The following TCERG1L variants were observed in gnomAD, a reference collection of about 807,000 sequenced individuals.
The protein encoded by TCERG1L is transcription elongation regulator 1 like, also known as transcription elongation regulator 1-like protein.
Under a neutral mutation model 56.3 loss-of-function variants are expected in TCERG1L, and 37 were observed. The ratio of observed to expected loss-of-function variants is 0.66; its 90% CI spans 0.51 to 0.87. The LOEUF (loss-of-function observed/expected upper bound fraction) is 0.87, where lower values mean the gene tolerates loss of function less well. TCERG1L is among the 40% of genes least tolerant of loss of function. TCERG1L has a pLI of 0.00. For missense variants in TCERG1L, 799 were observed against 774.2 expected, an observed-to-expected ratio of 1.03 and a Z score of -0.38; for synonymous variants, 324 against 326.3, an observed-to-expected ratio of 0.99 and a Z score of 0.08.
chr10:131,252,505 C>G (rs1846122726), intron 4 of TCERG1L, among the ~76,000 whole-genome samples: 1 of 152,188 alleles, frequency 6.6e-6, no homozygotes, highest in Non-Finnish European at 1.5e-5. Flanking sequence ...GGCCTGCATG[C>G]TCCTGAACAC....
chr10:131,295,834 C>T (rs997508558), intron 3 of TCERG1L, among the ~76,000 whole-genome samples: 2 of 152,178 alleles, frequency 1.3e-5, no homozygotes, highest in East Asian at 1.9e-4. Context: ...GAACTTATTC[C>T]TGCTCTCTAG....
intron 3 of TCERG1L, among the ~76,000 whole-genome samples, chr10:131,285,123 A>G (rs1290170154): frequency 6.6e-6 from 1 of 152,170 alleles, no homozygotes; most frequent in Non-Finnish European, 1.5e-5. Flanking sequence ...CACACCTTTA[A>G]TCCCAGGAAT....
chr10:131,290,391 G>A (rs899472227), intron 3 of TCERG1L, among the ~76,000 whole-genome samples: 5 of 152,278 alleles, frequency 3.3e-5, no homozygotes, highest in African/African-American at 1.2e-4. Flanking sequence ...CAGCACTTTA[G>A]GAGGCTGAGG....
At chr10:131,099,892 C>T (rs1564791530) in intron 10 of TCERG1L, among the ~76,000 whole-genome samples, 2 of 151,928 alleles carry the variant, frequency 1.3e-5, no homozygotes, top group African/African-American at 2.4e-5. Flanking sequence ...GAGGCAGAGT[C>T]TTGCTCTATT....
intron 7 of TCERG1L, among the ~76,000 whole-genome samples, chr10:131,139,352 T>C (rs1468988440): frequency 1.3e-5 from 2 of 152,346 alleles, no homozygotes; most frequent in East Asian, 3.9e-4. Context: ...ATGACCCAGA[T>C]GTCCATCCAA....
At chr10:131,110,073 C>T (rs1238629768) in intron 9 of TCERG1L, among the ~76,000 whole-genome samples, 8 of 152,160 alleles carry the variant, frequency 5.3e-5, no homozygotes, top group African/African-American at 1.4e-4. Context: ...GGACAGGCAC[C>T]GGGAGTCTGA....
At chr10:131,188,068 C>T (rs1843134726) in intron 4 of TCERG1L, among the ~76,000 whole-genome samples, 1 of 152,222 alleles carries the variant, frequency 6.6e-6, no homozygotes, top group Non-Finnish European at 1.5e-5. Flanking sequence ...GACAGCCGGG[C>T]AGGGCTGGGC....
chr10:131,159,885 G>A (rs1263068361), intron 6 of TCERG1L, among the ~76,000 whole-genome samples: 2 of 152,142 alleles, frequency 1.3e-5, no homozygotes, highest in African/African-American at 4.8e-5. Context: ...CTGCAATGTC[G>A]AAGGTGCCTC....
intron 4 of TCERG1L, among the ~76,000 whole-genome samples, chr10:131,241,196 G>A (rs1845967646): frequency 6.6e-6 from 1 of 152,230 alleles, no homozygotes. Flanking sequence ...GGAGGGCGGT[G>A]GAGAACACGA....
At chr10:131,171,513 C>T (rs776109772) in intron 4 of TCERG1L, among the ~76,000 whole-genome samples, 1 of 152,168 alleles carries the variant, frequency 6.6e-6, no homozygotes, top group African/African-American at 2.4e-5. Context: ...ATGGCATATG[C>T]CATGTAGTCA....
At chr10:131,303,256 G>A (rs550789836) in intron 3 of TCERG1L, among the ~76,000 whole-genome samples, 110 of 152,170 alleles carry the variant, frequency 7.2e-4, no homozygotes, top group African/African-American at 2.5e-3. Context: ...GTGTAAAAGC[G>A]TTCCTATTTC....
At chr10:131,256,209 T>C (rs2133537983) in intron 4 of TCERG1L, among the ~76,000 whole-genome samples, 1 of 152,350 alleles carries the variant, frequency 6.6e-6, no homozygotes, top group East Asian at 1.9e-4. Flanking sequence ...AATGTCTGAA[T>C]TACTGTTGTT....
chr10:131,168,109 T>C (rs2996070), intron 4 of TCERG1L, among the ~76,000 whole-genome samples: 41,235 of 152,160 alleles, frequency 0.27, 8,401 homozygotes, highest in African/African-American at 0.58. Flanking sequence ...TCCTTCCTGG[T>C]AGACGGAAGG....
chr10:131,216,488 A>C (rs1000596150), intron 4 of TCERG1L, among the ~76,000 whole-genome samples: 2 of 152,154 alleles, frequency 1.3e-5, no homozygotes, highest in Non-Finnish European at 2.9e-5. Context: ...CCTGCTTTGG[A>C]AACTCTATAG....
intron 3 of TCERG1L, among the ~76,000 whole-genome samples, chr10:131,284,998 A>G (rs192096708): frequency 6.6e-6 from 1 of 152,332 alleles, no homozygotes; most frequent in African/African-American, 2.4e-5. Context: ...AATTCTTCCA[A>G]AACATTAAAA....
intron 4 of TCERG1L, among the ~76,000 whole-genome samples, chr10:131,220,963 A>C (rs1027514735): frequency 1.3e-5 from 2 of 152,158 alleles, no homozygotes; most frequent in African/African-American, 4.8e-5. Flanking sequence ...CGGTGTGGTC[A>C]CTGAGGCAGC....
chr10:131,186,994 C>T (rs1188578302), intron 4 of TCERG1L, among the ~76,000 whole-genome samples: 1 of 152,198 alleles, frequency 6.6e-6, no homozygotes, highest in Admixed American at 6.5e-5. Context: ...ACCTCCAGCC[C>T]TTAGGTTGGC....
intron 8 of TCERG1L, among the ~76,000 whole-genome samples, chr10:131,123,700 C>T (rs150718642): frequency 3.3e-5 from 5 of 152,212 alleles, no homozygotes; most frequent in Admixed American, 2.0e-4. Context: ...TCTGCTTGCC[C>T]GGCCAGGGGC....
intron 3 of TCERG1L, among the ~76,000 whole-genome samples, chr10:131,276,049 C>T (rs184953408): frequency 1.5e-3 from 228 of 152,334 alleles, no homozygotes; most frequent in Middle Eastern, 3.4e-3. Flanking sequence ...ACTGTGTATG[C>T]AGCAGGTGCT....
Sources: allele counts gnomAD v4.1 joint callset (sites outside exome capture counted in the v4.1 genomes callset), GRCh38; gene constraint gnomAD v4.1.1; transcripts MANE v1.5; gene names NCBI Gene and HGNC (gene_info 2026-07-23, HGNC 2026-07-21).